Variants in TRAPPC12 observed in about 807,000 individuals in gnomAD.
TRAPPC12 encodes the protein TPR repeat protein 15.
Under a neutral mutation model 69.2 loss-of-function variants are expected in TRAPPC12, and 61 were observed. The ratio of observed to expected loss-of-function variants is 0.88; its 90% CI spans 0.72 to 1.09. The LOEUF is 1.09. Among genes scored for constraint, TRAPPC12 ranks in the 50% least tolerant of loss-of-function variants. The pLI is 0.00. For synonymous variants in TRAPPC12, 469 were observed against 438.9 expected (o/e 1.07, Z -0.86); for missense variants, 1,101 against 1,016.4 (o/e 1.08, Z -1.13).
At chr2:3,466,033 C>T (rs76664255) in intron 9 of TRAPPC12, among the ~76,000 whole-genome samples, 111 of 152,358 alleles carry the variant, frequency 7.3e-4, no homozygotes, top group Non-Finnish European at 1.4e-3. Context: ...CCGTAATAGT[C>T]ACTCGCTGAT....
chr2:3,479,139 A>C (rs1666431192), intron 11 of TRAPPC12, 80 bp from the exon 12 acceptor site: 1 of 1,564,184 alleles, frequency 6.4e-7, no homozygotes, highest in Non-Finnish European at 8.7e-7. Flanking sequence ...GGCCCCTAAC[A>C]CGGCCCAGCA....
intron 6 of TRAPPC12, among the ~76,000 whole-genome samples, chr2:3,448,769 A>G (rs1664688364): frequency 7.1e-6 from 1 of 140,102 alleles, no homozygotes; most frequent in Non-Finnish European, 1.6e-5. Context: ...TTACGCGGTT[A>G]CACGAGGGCG....
intron 7 of TRAPPC12, chr2:3,458,091 C>T (rs1007470313): frequency 3.1e-5 from 32 of 1,023,398 alleles, no homozygotes; most frequent in African/African-American, 2.7e-4. Flanking sequence ...GACAGAGGCT[C>T]GGGAGGGTGC....
chr2:3,422,301 G>A (rs1156281774), intron 4 of TRAPPC12, among the ~76,000 whole-genome samples: 6 of 152,174 alleles, frequency 3.9e-5, no homozygotes, highest in African/African-American at 1.4e-4. Context: ...CCTGTGCGGG[G>A]CTCTGGGGCG....
chr2:3,434,471 A>G (rs892712624), intron 5 of TRAPPC12, among the ~76,000 whole-genome samples: 4 of 152,186 alleles, frequency 2.6e-5, no homozygotes, highest in Non-Finnish European at 5.9e-5. Flanking sequence ...GACTTTTTCA[A>G]TGATACAAGT....
chr2:3,382,439 T>C (rs920008784), intron 1 of TRAPPC12, among the ~76,000 whole-genome samples: 14 of 152,144 alleles, frequency 9.2e-5, no homozygotes, highest in African/African-American at 3.4e-4. Flanking sequence ...AGCCTACTTT[T>C]TCTTTTAGGA....
chr2:3,396,115 T>A (rs1661114720), intron 2 of TRAPPC12, among the ~76,000 whole-genome samples: 1 of 152,234 alleles, frequency 6.6e-6, no homozygotes, highest in African/African-American at 2.4e-5. Context: ...TCTGCCCACC[T>A]TGGCCTCCCA....
chr2:3,381,268 C>G (rs1237194443), intron 1 of TRAPPC12, among the ~76,000 whole-genome samples: 2 of 152,172 alleles, frequency 1.3e-5, no homozygotes, highest in African/African-American at 4.8e-5. Flanking sequence ...TACACACCCT[C>G]GTGCCCTTAT....
In TRAPPC12 at chr2:3,460,243, A is replaced by G. The variant is rs1462704100; in HGVS notation, c.1604-20A>G. The G allele has an allele frequency of 1.0e-5, 9 of 872,996 alleles. No individual in the cohort carries two copies. Among genetic ancestry groups the G allele is most frequent in the African/African-American group, 1.6e-5 (1 of 61,348 alleles). 54.1% of individuals were successfully genotyped at this position (872,996 alleles called of 1,614,324 possible). A position where few individuals can be genotyped will look rare whatever the true frequency, so the allele number is the denominator to read the frequency against. ...GCCTCGAATTTATTTGTGCACTTAC[A>G]GGCTGCTCTTACCTTGTAGCCTCTA... On this transcript the variant is annotated intron_variant, in intron 7 of 11. Transcript: ENST00000324266.
At chr2:3,448,315 G>GT (rs1209067848) in intron 6 of TRAPPC12, among the ~76,000 whole-genome samples, 6 of 152,282 alleles carry the variant, frequency 3.9e-5, no homozygotes, top group African/African-American at 1.4e-4. Context: ...CAGGATTGTG[G>GT]TTTTTTCCTC....
At chr2:3,405,175 T>G (rs1331021003) in intron 3 of TRAPPC12, among the ~76,000 whole-genome samples, 2 of 141,862 alleles carry the variant, frequency 1.4e-5, no homozygotes, top group Non-Finnish European at 3.1e-5. Flanking sequence ...GATGTCTTTT[T>G]TTGGGGGGGT....
intron 3 of TRAPPC12, among the ~76,000 whole-genome samples, chr2:3,419,315 T>A (rs926153306): frequency 6.6e-6 from 1 of 152,250 alleles, no homozygotes; most frequent in Admixed American, 6.5e-5. Flanking sequence ...TCCCTCTCAC[T>A]CTTTCACATT....
chr2:3,466,779 G>A (rs923697411), intron 9 of TRAPPC12, among the ~76,000 whole-genome samples: 10 of 152,296 alleles, frequency 6.6e-5, no homozygotes, highest in South Asian at 4.1e-4. Flanking sequence ...GCACAGATGC[G>A]TGACGCGTGA....
chr2:3,451,646 C>T (rs1033565011), intron 6 of TRAPPC12, among the ~76,000 whole-genome samples: 3 of 152,090 alleles, frequency 2.0e-5, no homozygotes, highest in African/African-American at 7.2e-5. Context: ...GCCTCGCCCT[C>T]CTGAGTAGCT....
At chr2:3,403,142 T>C (rs1349121238) in intron 3 of TRAPPC12, among the ~76,000 whole-genome samples, 2 of 152,172 alleles carry the variant, frequency 1.3e-5, no homozygotes, top group East Asian at 3.8e-4. Context: ...GAATGGAATT[T>C]CCTAATTTAC....
rs1250336554 is a variant in TRAPPC12 at position 3,401,633 on chromosome 2, T to C, written c.1048-144T>C. On this transcript the variant is annotated intron_variant, in intron 2 of 11. Coordinates refer to ENST00000324266, the MANE Select transcript of TRAPPC12 (RefSeq NM_016030.6). ...TGTGCTAATTTAGCTTCTGGTTAAT[T>C]GAAGTTTTACGATACTATAACCGTT... 6.6e-6 allele frequency: 3 copies of C among 454,558 alleles called. No homozygotes were observed. The East Asian group carries it at 1.0e-4, about 15-fold the overall frequency. The allele number at this position is 454,558 out of a possible 1,614,324, so 28.2% of individuals were successfully genotyped here. A position where few individuals can be genotyped will look rare whatever the true frequency, so the allele number is the denominator to read the frequency against.
chr2:3,442,476 A>ATGCG (rs1664277106), intron 5 of TRAPPC12, among the ~76,000 whole-genome samples: 2 of 152,242 alleles, frequency 1.3e-5, no homozygotes, highest in South Asian at 4.1e-4. Flanking sequence ...CGGATGGTCT[A>ATGCG]GAAATGTTTA....
At chr2:3,411,605 C>T (rs552779386) in intron 3 of TRAPPC12, among the ~76,000 whole-genome samples, 1 of 152,274 alleles carries the variant, frequency 6.6e-6, no homozygotes, top group South Asian at 2.1e-4. Context: ...TGCTTAGGCA[C>T]AAAATTCATA....
chr2:3,436,626 G>A (rs189111777), intron 5 of TRAPPC12, among the ~76,000 whole-genome samples: 14 of 152,036 alleles, frequency 9.2e-5, no homozygotes, highest in Non-Finnish European at 1.9e-4. Context: ...CTCACTCTTG[G>A]TGTTGTCCCT....
Sources: allele counts gnomAD v4.1 joint callset (sites outside exome capture counted in the v4.1 genomes callset), GRCh38; gene constraint gnomAD v4.1.1; transcripts MANE v1.5; gene names NCBI Gene and HGNC (gene_info 2026-07-23, HGNC 2026-07-21).